ARHGAP12: variants seen among roughly 807,000 people sequenced by gnomAD.
ARHGAP12 encodes Rho GTPase activating protein 12.
In ARHGAP12, 64 loss-of-function variants were observed where a neutral mutation model predicts 108.6. That is an observed-to-expected ratio of 0.59 (90% CI 0.48 to 0.73). The LOEUF is 0.73. Among genes scored for constraint, ARHGAP12 ranks in the 30% least tolerant of loss-of-function variants. The probability of loss-of-function intolerance (pLI) is 0.00; values close to 1 mark genes in which losing one functional copy is unlikely to be tolerated. For synonymous variants in ARHGAP12, 312 were observed against 337.2 expected, an observed-to-expected ratio of 0.93 and a Z score of 0.82; for missense variants, 940 against 1,005.9, an observed-to-expected ratio of 0.93 and a Z score of 0.89.
At chr10:31,901,034 T>C (rs1037552523) in intron 3 of ARHGAP12, among the ~76,000 whole-genome samples, 6 of 150,530 alleles carry the variant, frequency 4.0e-5, no homozygotes, top group African/African-American at 1.5e-4. Context: ...TTGGCCAACA[T>C]GGCAAAACCC....
intron 13 of ARHGAP12, among the ~76,000 whole-genome samples, chr10:31,815,652 G>A (rs1835176578): frequency 6.6e-6 from 1 of 152,134 alleles, no homozygotes; most frequent in Non-Finnish European, 1.5e-5. Flanking sequence ...GAATCTGTAA[G>A]TCATTGGAAG....
At chr10:31,917,239 C>A (rs562680062) in intron 1 of ARHGAP12, among the ~76,000 whole-genome samples, 2 of 151,970 alleles carry the variant, frequency 1.3e-5, no homozygotes, top group South Asian at 4.2e-4. Flanking sequence ...GAAACCTCGT[C>A]TCTACTAAAA....
intron 7 of ARHGAP12, among the ~76,000 whole-genome samples, chr10:31,840,033 C>T (rs951083928): frequency 1.3e-5 from 2 of 151,916 alleles, no homozygotes; most frequent in East Asian, 1.9e-4. Context: ...TAAGTAAAAC[C>T]TAAACACTTC....
At chr10:31,907,180 T>C (rs1357979671) in intron 3 of ARHGAP12, among the ~76,000 whole-genome samples, 1 of 152,130 alleles carries the variant, frequency 6.6e-6, no homozygotes, top group Non-Finnish European at 1.5e-5. Flanking sequence ...ACAACAGAAC[T>C]TCAAGCCAAA....
chr10:31,810,882 T>C, intron 15 of ARHGAP12, 135 bp from the exon 16 acceptor site: 1 of 635,796 alleles, frequency 1.6e-6, no homozygotes, highest in South Asian at 1.9e-5. Flanking sequence ...CCTTATGCAA[T>C]ATGCATCTTG....
intron 3 of ARHGAP12, among the ~76,000 whole-genome samples, chr10:31,898,401 C>T (rs527620084): frequency 1.3e-5 from 2 of 152,118 alleles, no homozygotes; most frequent in East Asian, 3.9e-4. Context: ...AAGCAAAAAG[C>T]CAGATAATAA....
At chr10:31,885,205 C>T (rs1838146518) in intron 3 of ARHGAP12, among the ~76,000 whole-genome samples, 1 of 152,098 alleles carries the variant, frequency 6.6e-6, no homozygotes, top group Admixed American at 6.5e-5. Context: ...ACAAGAGCAA[C>T]AAAATTTTAA....
chr10:31,922,964 C>T (rs1839880269), intron 1 of ARHGAP12, among the ~76,000 whole-genome samples: 1 of 151,766 alleles, frequency 6.6e-6, no homozygotes, highest in Non-Finnish European at 1.5e-5. Context: ...CCCGTCTCTA[C>T]AAAAAAAGTT....
At chr10:31,878,805 A>G (rs1255356100) in intron 3 of ARHGAP12, among the ~76,000 whole-genome samples, 3 of 152,230 alleles carry the variant, frequency 2.0e-5, no homozygotes, top group African/African-American at 7.2e-5. Flanking sequence ...GGCTCTTTAC[A>G]GAAAATGTTT....
intron 3 of ARHGAP12, among the ~76,000 whole-genome samples, chr10:31,889,618 C>CTTTTTTTTTTTTT (rs1564414245): frequency 9.8e-6 from 1 of 101,534 alleles, no homozygotes; most frequent in African/African-American, 3.7e-5. Flanking sequence ...TAATTTTTCT[C>CTTTTTTTTTTTTT]GTTTTTTTTT....
At chr10:31,861,079 T>G (rs569644136) in intron 4 of ARHGAP12, among the ~76,000 whole-genome samples, 1 of 152,302 alleles carries the variant, frequency 6.6e-6, no homozygotes, top group South Asian at 2.1e-4. Flanking sequence ...TAAATTTAAC[T>G]TAAAATATCA....
intron 6 of ARHGAP12, among the ~76,000 whole-genome samples, chr10:31,844,875 T>C (rs547598675): frequency 3.2e-4 from 49 of 152,268 alleles, no homozygotes; most frequent in African/African-American, 1.1e-3. Context: ...TGACTCTTTA[T>C]GGATATCTGT....
chr10:31,914,471 T>G (rs1839476849), intron 1 of ARHGAP12, among the ~76,000 whole-genome samples: 1 of 151,588 alleles, frequency 6.6e-6, no homozygotes, highest in Admixed American at 6.6e-5. Flanking sequence ...TAATCCAATT[T>G]AACAATGGGC....
At chr10:31,925,486 AACACTG>A in intron 1 of ARHGAP12, among the ~76,000 whole-genome samples, 1 of 152,350 alleles carries the variant, frequency 6.6e-6, no homozygotes, top group East Asian at 1.9e-4. Flanking sequence ...TCAATCAACC[AACACTG>A]ACACATAACA....
chr10:31,829,753 G>A (rs1835762024), intron 10 of ARHGAP12, among the ~76,000 whole-genome samples: 1 of 152,210 alleles, frequency 6.6e-6, no homozygotes, highest in South Asian at 2.1e-4. Flanking sequence ...TAATGTAACT[G>A]AGTATGAACC....
chr10:31,838,952 G>A (rs992438879), intron 9 of ARHGAP12, among the ~76,000 whole-genome samples: 2 of 151,982 alleles, frequency 1.3e-5, no homozygotes, highest in African/African-American at 2.4e-5. Flanking sequence ...GGTGGTTGAG[G>A]CTGCAGTGAG....
intron 3 of ARHGAP12, among the ~76,000 whole-genome samples, chr10:31,880,564 T>C (rs578166624): frequency 1.2e-4 from 18 of 152,332 alleles, no homozygotes; most frequent in African/African-American, 3.8e-4. Flanking sequence ...TGTCTTGTTA[T>C]GGTCTCAGAA....
At position 31,807,734 on chromosome 10, in the gene ARHGAP12, A is replaced by T; in HGVS notation, c.2465T>A (p.Ile822Lys). ...ATTCTGGTACACAGTATGAACTGCTATATTACCAGTCTCTTTTTCTGGTTT... is the reference window on the plus strand; with the variant it reads ...ATTCTGGTACACAGTATGAACTGCTTTATTACCAGTCTCTTTTTCTGGTTT... ...LLKPEKETGNIAVHTVYQNQI... is the reference protein window; with the variant it reads ...LLKPEKETGNKAVHTVYQNQI... Residue 822 changes from isoleucine (I) to lysine (K), a missense_variant, in exon 20 of 20, where the codon ATA (isoleucine) becomes AAA (lysine). By Grantham distance (102) the Ile-to-Lys change is moderately radical. Coordinates refer to ENST00000344936, the MANE Select transcript of ARHGAP12 (RefSeq NM_018287.7). The T allele has an allele frequency of 6.2e-7, 1 of 1,609,398 alleles. No homozygotes were observed. Among genetic ancestry groups the T allele is most frequent in the Non-Finnish European group, 8.5e-7 (1 of 1,178,136 alleles).
At chr10:31,839,281 A>AAAAT in intron 9 of ARHGAP12, 24 bp downstream of exon 9, 1 of 1,604,676 alleles carries the variant, frequency 6.2e-7, no homozygotes, top group Non-Finnish European at 8.5e-7. Context: ...TATGCCTATT[A>AAAAT]AGAAGGAGAG....
Sources: gnomAD v4.1 joint callset for allele counts (sites outside exome capture counted in the v4.1 genomes callset) on GRCh38, gnomAD v4.1.1 for gene constraint, MANE v1.5 for transcripts, NCBI Gene and HGNC (gene_info 2026-07-23, HGNC 2026-07-21) for gene names.